Variants in NDFIP2 observed in about 807,000 individuals in gnomAD.
The protein encoded by NDFIP2 is NEDD4 family-interacting protein 2.
NDFIP2 carries 19 observed loss-of-function variants against 36.0 expected under a neutral mutation model. The ratio of observed to expected loss-of-function variants is 0.53; its 90% CI spans 0.37 to 0.77. The LOEUF is 0.77. Ranked by LOEUF, NDFIP2 falls within the 30% of genes least tolerant of loss-of-function variation. The pLI is 0.00. For synonymous variants in NDFIP2, 181 were observed against 167.7 expected, an observed-to-expected ratio of 1.08 and a Z score of -0.61; for missense variants, 446 against 435.8, an observed-to-expected ratio of 1.02 and a Z score of -0.21.
At chr13:79,549,539 A>G (rs1297096642) in intron 6 of NDFIP2, among the ~76,000 whole-genome samples, 1 of 151,890 alleles carries the variant, frequency 6.6e-6, no homozygotes, top group African/African-American at 2.4e-5. Context: ...GGGGAATGTG[A>G]AAATGTAATC....
At position 79,553,027 on chromosome 13, in the gene NDFIP2, A is replaced by G. The variant is rs1047773613; in HGVS notation, c.*514A>G. On this transcript the variant is annotated 3_prime_UTR_variant, in exon 8 of 8. Coordinates refer to ENST00000218652, the MANE Select transcript of NDFIP2 (RefSeq NM_019080.3). ...GAAACCTGCAGTGCTGATTATTAGAAAGGATTTGTCAGATTTTTGAACATG... is the reference window on the plus strand; with the variant it reads ...GAAACCTGCAGTGCTGATTATTAGAGAGGATTTGTCAGATTTTTGAACATG... 1 of 151,872 alleles carries G rather than the reference A, an allele frequency of 6.6e-6. No homozygotes were observed. The highest frequency in any genetic ancestry group is 2.4e-5 in the African/African-American group (1 of 41,404). The allele number at this position is 151,872 out of a possible 1,614,324, so 9.4% of individuals were successfully genotyped here.
At chr13:79,497,160 A>G (rs1209421632) in intron 1 of NDFIP2, among the ~76,000 whole-genome samples, 3 of 151,584 alleles carry the variant, frequency 2.0e-5, no homozygotes, top group Admixed American at 6.6e-5. Flanking sequence ...CAGGCAATCA[A>G]CTCCCATAGA....
chr13:79,549,133 T>A (rs1875802449), intron 6 of NDFIP2, among the ~76,000 whole-genome samples: 1 of 151,986 alleles, frequency 6.6e-6, no homozygotes, highest in Non-Finnish European at 1.5e-5. Flanking sequence ...GGCAGTCTTC[T>A]CTCTGAGTTT....
intron 1 of NDFIP2, among the ~76,000 whole-genome samples, chr13:79,500,829 A>G (rs1371800396): frequency 6.6e-6 from 1 of 152,050 alleles, no homozygotes; most frequent in Admixed American, 6.6e-5. Context: ...ATTTACCCGA[A>G]GGAGTTGTAA....
At chr13:79,515,117 G>C (rs1234230468) in intron 1 of NDFIP2, among the ~76,000 whole-genome samples, 1 of 151,990 alleles carries the variant, frequency 6.6e-6, no homozygotes, top group Non-Finnish European at 1.5e-5. Flanking sequence ...CTGCTCCTAG[G>C]CTATAAACTT....
At chr13:79,519,592 T>C (rs1417903715) in intron 1 of NDFIP2, among the ~76,000 whole-genome samples, 5 of 152,226 alleles carry the variant, frequency 3.3e-5, no homozygotes, top group Non-Finnish European at 5.9e-5. Context: ...ACTTCCTGTT[T>C]GTTGTTTTCC....
At chr13:79,509,509 C>T (rs996917909) in intron 1 of NDFIP2, among the ~76,000 whole-genome samples, 2 of 152,072 alleles carry the variant, frequency 1.3e-5, no homozygotes, top group Non-Finnish European at 2.9e-5. Flanking sequence ...TCTGTTCTGT[C>T]AGCCTTAAGG....
At chr13:79,489,259 G>A (rs1873132722) in intron 1 of NDFIP2, among the ~76,000 whole-genome samples, 1 of 152,152 alleles carries the variant, frequency 6.6e-6, no homozygotes, top group Non-Finnish European at 1.5e-5. Flanking sequence ...TGCAGTTGAT[G>A]TTGTCTATTT....
At chr13:79,537,888 G>T (rs1200864255) in intron 3 of NDFIP2, among the ~76,000 whole-genome samples, 3 of 152,162 alleles carry the variant, frequency 2.0e-5, no homozygotes, top group Admixed American at 2.0e-4. Flanking sequence ...ACCCAAGACT[G>T]GGGAATTTAT....
chr13:79,515,266 A>G (rs1394740794), intron 1 of NDFIP2, among the ~76,000 whole-genome samples: 28 of 151,588 alleles, frequency 1.8e-4, no homozygotes. Flanking sequence ...GTTGAACTAA[A>G]CGTCATTATG....
At chr13:79,546,943 A>G (rs533685522) in intron 5 of NDFIP2, among the ~76,000 whole-genome samples, 1 of 152,202 alleles carries the variant, frequency 6.6e-6, no homozygotes, top group Admixed American at 6.5e-5. Context: ...TTCAATTTCA[A>G]GTCCCTCCTT....
chr13:79,486,703 T>C (rs1873005903), intron 1 of NDFIP2, among the ~76,000 whole-genome samples: 1 of 152,240 alleles, frequency 6.6e-6, no homozygotes. Flanking sequence ...CACACAGCCA[T>C]GCCCATTCAT....
intron 1 of NDFIP2, among the ~76,000 whole-genome samples, chr13:79,520,212 A>T (rs1874513607): frequency 1.3e-5 from 2 of 152,234 alleles, no homozygotes; most frequent in Non-Finnish European, 2.9e-5. Context: ...ATTTCTGATT[A>T]TTCTAGATTC....
At chr13:79,534,584 T>C (rs1875158125) in intron 3 of NDFIP2, among the ~76,000 whole-genome samples, 1 of 152,160 alleles carries the variant, frequency 6.6e-6, no homozygotes, top group Admixed American at 6.5e-5. Flanking sequence ...TACATTTTAG[T>C]GTGGCTGCAA....
rs1317306463 is a variant in NDFIP2 at position 79,538,102 on chromosome 13, T to C, written c.622-1580T>C. 3.3e-5 allele frequency among the ~76,000 whole-genome samples: 5 copies of C among 151,944 alleles called. 1 individual carries two copies. The highest frequency in any genetic ancestry group is 3.3e-4 in the Admixed American group (5 of 15,254). On this transcript the variant is annotated intron_variant, in intron 3 of 7. Transcript: ENST00000218652. ...AACAACCAGATCTCAGAAAAAACAA[T>C]AATGCACTCACTCACTCTCATGAGA... is the stretch of plus-strand genomic sequence containing the variant.
At chr13:79,525,130 C>A (rs1275461195) in intron 2 of NDFIP2, among the ~76,000 whole-genome samples, 1 of 152,160 alleles carries the variant, frequency 6.6e-6, no homozygotes, top group African/African-American at 2.4e-5. Flanking sequence ...TCTTTATTTG[C>A]AGTAAATGGC....
At chr13:79,534,373 T>TG (rs398023603) in intron 3 of NDFIP2, among the ~76,000 whole-genome samples, 6 of 148,510 alleles carry the variant, frequency 4.0e-5, no homozygotes, top group South Asian at 2.1e-4. Context: ...TTTTTTTTTT[T>TG]GATAACATTC....
intron 1 of NDFIP2, among the ~76,000 whole-genome samples, chr13:79,483,489 G>T (rs2079827204): frequency 6.6e-6 from 1 of 152,098 alleles, no homozygotes; most frequent in African/African-American, 2.4e-5. Context: ...TTTTGTGGTT[G>T]CCTTTAGCTC....
Position 79,481,202 on chromosome 13 carries a change from G to C in NDFIP2, c.-2G>C, listed in dbSNP as rs377642299. The stretch of plus-strand genomic sequence containing the variant: ...AGCTATACCCTCCCACTGGCGGCGC[G>C]GATGGCACGCCGGCGGAGCCAGCGA... On this transcript the variant is annotated 5_prime_UTR_variant, in exon 1 of 8. Coordinates refer to ENST00000218652, the MANE Select transcript of NDFIP2 (RefSeq NM_019080.3). 6.7e-7 allele frequency: 1 copy of C among 1,503,732 alleles called. No individual in the cohort carries two copies. Among genetic ancestry groups the C allele is most frequent in the African/African-American group, 1.4e-5 (1 of 70,660 alleles). 93.1% of individuals were successfully genotyped at this position (1,503,732 alleles called of 1,614,324 possible).
Sources: gnomAD v4.1 joint callset for allele counts (sites outside exome capture counted in the v4.1 genomes callset) on GRCh38, gnomAD v4.1.1 for gene constraint, MANE v1.5 for transcripts, NCBI Gene and HGNC (gene_info 2026-07-23, HGNC 2026-07-21) for gene names.